The following CEP97 variants were observed in gnomAD, a reference collection of about 807,000 sequenced individuals.
CEP97 encodes the protein centrosomal protein 97, also known as centrosomal protein of 97 kDa.
CEP97 carries 43 observed loss-of-function variants against 73.1 expected under a neutral mutation model. The observed-to-expected ratio is 0.59, with a 90% CI of 0.46 to 0.76. The LOEUF (loss-of-function observed/expected upper bound fraction) is 0.76. CEP97 is among the 30% of genes least tolerant of loss of function. The pLI, the probability that CEP97 is intolerant of heterozygous loss-of-function variation, is 0.00. For synonymous variants in CEP97, 337 were observed against 370.0 expected, an observed-to-expected ratio of 0.91 and a Z score of 1.02; for missense variants, 939 against 1,014.0, an observed-to-expected ratio of 0.93 and a Z score of 1.00.
At chr3:101,760,774 A>G (rs376340417) in intron 9 of CEP97, among the ~76,000 whole-genome samples, 4 of 152,268 alleles carry the variant, frequency 2.6e-5, no homozygotes, top group East Asian at 3.9e-4. Flanking sequence ...TCCTGGCCTC[A>G]AGCAGTCCTC....
chr3:101,732,088 A>G, intron 5 of CEP97, 135 bp downstream of exon 5: 2 of 633,104 alleles, frequency 3.2e-6, no homozygotes, highest in South Asian at 3.8e-5. Context: ...GCTTGGCTCT[A>G]GATCTTTCCA....
intron 6 of CEP97, among the ~76,000 whole-genome samples, chr3:101,737,179 A>G (rs1224460434): frequency 6.6e-6 from 1 of 152,266 alleles, no homozygotes; most frequent in Non-Finnish European, 1.5e-5. Context: ...CCTCCAAGAA[A>G]TATGGGATTA....
At chr3:101,750,378 T>C (rs557411496) in intron 6 of CEP97, among the ~76,000 whole-genome samples, 2 of 151,876 alleles carry the variant, frequency 1.3e-5, no homozygotes, top group East Asian at 3.9e-4. Context: ...ACCAGTACCA[T>C]GCTGTTTTGG....
intron 7 of CEP97, among the ~76,000 whole-genome samples, chr3:101,756,130 A>C (rs1352707101): frequency 6.6e-6 from 1 of 151,674 alleles, no homozygotes; most frequent in Admixed American, 6.6e-5. Flanking sequence ...GTGTGATCTC[A>C]GCTCATTGCA....
At chr3:101,736,377 G>T (rs1938275553) in intron 6 of CEP97, among the ~76,000 whole-genome samples, 1 of 152,180 alleles carries the variant, frequency 6.6e-6, no homozygotes, top group South Asian at 2.1e-4. Context: ...CCTCAAGTGG[G>T]TCCCTGATCC....
chr3:101,730,931 T>C (rs995521573), intron 4 of CEP97, among the ~76,000 whole-genome samples: 1 of 152,034 alleles, frequency 6.6e-6, no homozygotes, highest in Non-Finnish European at 1.5e-5. Flanking sequence ...GCTAAGAGAA[T>C]TCAAATGAAC....
In CEP97 at chr3:101,758,271, TC is replaced by T; in HGVS notation, c.1666del (p.Gln556ArgfsTer3). 6.2e-7 allele frequency: 1 copy of T among 1,614,168 alleles called. No homozygotes were observed. Among genetic ancestry groups the T allele is most frequent in the South Asian group, 1.1e-5 (1 of 91,078 alleles). On this transcript the variant is annotated frameshift_variant, in exon 9 of 11. Transcript: ENST00000341893. LOFTEE classifies it high-confidence loss of function. ...CTTTGGGACAAGACAAAGTTGCCCTTCAGAAATTAAATGATGCAGCCACCAA... is the reference window on the plus strand; with the variant it reads ...CTTTGGGACAAGACAAAGTTGCCCTTAGAAATTAAATGATGCAGCCACCAA... The part of the protein sequence containing the change: ...VALGQDKVAL[Q>X]KLNDAATKLQ...
rs537314552 is a variant in CEP97, at chr3:101,749,041, C to T, written c.729-6389C>T. On this transcript the variant is annotated intron_variant, in intron 6 of 10. Transcript: ENST00000341893. ...TAAGTTTTAGGGTACATGTGCACAA[C>T]GTGCAGGTTAGTTACATATGTATAC... is the stretch of plus-strand genomic sequence containing the variant. 4.6e-5 allele frequency among the ~76,000 whole-genome samples: 7 copies of T among 152,098 alleles called. No homozygotes were observed. The East Asian group carries it at 5.8e-4, about 13-fold the overall frequency.
intron 6 of CEP97, among the ~76,000 whole-genome samples, chr3:101,750,548 CTT>C (rs1560016509): frequency 6.6e-6 from 1 of 152,104 alleles, no homozygotes; most frequent in African/African-American, 2.4e-5. Flanking sequence ...GTCCTGGACT[CTT>C]TTTGGTTGGT....
rs1939426128 is a variant in CEP97, at chr3:101,770,215, G to A, written c.*4664G>A. 6.6e-6 allele frequency: 1 copy of A among 152,078 alleles called. No individual in the cohort carries two copies. Among genetic ancestry groups the A allele is most frequent in the Non-Finnish European group, 1.5e-5 (1 of 68,050 alleles). 9.4% of individuals were successfully genotyped at this position (152,078 alleles called of 1,614,324 possible). A position where few individuals can be genotyped will look rare whatever the true frequency, so the allele number is the denominator to read the frequency against. On this transcript the variant is annotated 3_prime_UTR_variant, in exon 11 of 11. Transcript: ENST00000341893. ...AATTTTTATATTTTTAGTAGAGATG[G>A]GGTTTCACCATGTTGGCCAGGATGG... is the stretch of plus-strand genomic sequence containing the variant.
In CEP97 at chr3:101,769,980, G is replaced by A. The variant is rs1192814618; in HGVS notation, c.*4429G>A. 6.6e-6 allele frequency: 1 copy of A among 152,224 alleles called. No individual in the cohort carries two copies. Among genetic ancestry groups the A allele is most frequent in the Non-Finnish European group, 1.5e-5 (1 of 68,002 alleles). 9.4% of individuals were successfully genotyped at this position (152,224 alleles called of 1,614,324 possible). A position where few individuals can be genotyped will look rare whatever the true frequency, so the allele number is the denominator to read the frequency against. On this transcript the variant is annotated 3_prime_UTR_variant, in exon 11 of 11. Coordinates refer to ENST00000341893, the MANE Select transcript of CEP97 (RefSeq NM_024548.4). Reference sequence around the variant, plus strand: ...TGAATTTTAATTCTTATTTATTTTAGTGGATAGCAGGAATCACTCTGTAGT... The same window carrying A: ...TGAATTTTAATTCTTATTTATTTTAATGGATAGCAGGAATCACTCTGTAGT...
At position 101,764,901 on chromosome 3, in the gene CEP97, C is replaced by A. The variant is rs775036232; in HGVS notation, c.1948C>A (p.His650Asn). The A allele has an allele frequency of 2.5e-6, 4 of 1,613,922 alleles. No homozygotes were observed. The highest frequency in any genetic ancestry group is 3.4e-6 in the Non-Finnish European group (4 of 1,179,912). Residue 650 changes from histidine (H) to asparagine (N), a missense_variant, in exon 11 of 11, where the codon CAT becomes AAT. Physicochemically the swap from His to Asn is moderately conservative, Grantham distance 68. Transcript: ENST00000341893. ...AGTGGACCAGCGTCTAAGTTCCTGG[C>A]ATACTGATGTTCCTCCTATATCAAG... ...QTVDQRLSSW[H>N]TDVPPISSTL...
At chr3:101,750,118 A>G (rs1938758350) in intron 6 of CEP97, among the ~76,000 whole-genome samples, 2 of 141,250 alleles carry the variant, frequency 1.4e-5, no homozygotes, top group African/African-American at 5.2e-5. Flanking sequence ...TAGGGTTTTT[A>G]TGGTTTTAGG....
At chr3:101,756,731 A>G (rs1033368115) in intron 7 of CEP97, among the ~76,000 whole-genome samples, 3 of 152,098 alleles carry the variant, frequency 2.0e-5, no homozygotes, top group Non-Finnish European at 4.4e-5. Flanking sequence ...CTTAAGAGGT[A>G]TATCTGCCTT....
chr3:101,751,701 T>C (rs932437034), intron 6 of CEP97, among the ~76,000 whole-genome samples: 3 of 152,202 alleles, frequency 2.0e-5, no homozygotes, highest in African/African-American at 7.2e-5. Flanking sequence ...CTTTGTTGGT[T>C]AAAGTCTGTT....
chr3:101,732,078 G>C, intron 5 of CEP97, 125 bp downstream of exon 5: 1 of 659,068 alleles, frequency 1.5e-6, no homozygotes, highest in East Asian at 2.6e-5. Context: ...CATATGAAAT[G>C]CTTGGCTCTA....
At chr3:101,734,310 G>A (rs565603954) in intron 6 of CEP97, among the ~76,000 whole-genome samples, 2 of 152,354 alleles carry the variant, frequency 1.3e-5, no homozygotes, top group African/African-American at 4.8e-5. Flanking sequence ...GAAGGAGGGA[G>A]TGGAATTGGG....
chr3:101,729,657 T>C (rs1298636336), intron 4 of CEP97, among the ~76,000 whole-genome samples: 6 of 152,052 alleles, frequency 3.9e-5, no homozygotes, highest in African/African-American at 1.2e-4. Context: ...TCACTCGACC[T>C]CCCAGGCTCA....
intron 2 of CEP97, 94 bp from the exon 3 acceptor site, chr3:101,727,289 G>A (rs1937923690): frequency 2.1e-6 from 2 of 972,446 alleles, no homozygotes; most frequent in Non-Finnish European, 3.1e-6. Context: ...GTTTGAGAGT[G>A]TTTGGCTGTC....
Sources: gnomAD v4.1 joint callset for allele counts (sites outside exome capture counted in the v4.1 genomes callset) on GRCh38, gnomAD v4.1.1 for gene constraint, MANE v1.5 for transcripts, NCBI Gene and HGNC (gene_info 2026-07-23, HGNC 2026-07-21) for gene names.